The following PVT1 variants were observed in gnomAD, a reference collection of about 807,000 sequenced individuals.
PVT1 encodes Pvt1 oncogene, also known as CXCR4/PVT1 fusion.
intron 4 of PVT1, among the ~76,000 whole-genome samples, chr8:128,060,216 A>G (rs998974868): frequency 2.6e-5 from 4 of 152,238 alleles, no homozygotes; most frequent in African/African-American, 9.6e-5. Context: ...AGATAATGCC[A>G]CTGCACTCCA....
At chr8:127,973,117 G>C (rs796833633) in intron 3 of PVT1, among the ~76,000 whole-genome samples, 27 of 152,188 alleles carry the variant, frequency 1.8e-4, no homozygotes, top group African/African-American at 5.8e-4. Context: ...TGCCCAGGCT[G>C]GTCTTGAACT....
chr8:127,973,321 C>G (rs781736504), intron 3 of PVT1, among the ~76,000 whole-genome samples: 22 of 152,210 alleles, frequency 1.4e-4, no homozygotes, highest in Non-Finnish European at 2.8e-4. Flanking sequence ...TGGAGAGAGC[C>G]ACCAGTTAGT....
At position 127,993,317 on chromosome 8, in the gene PVT1, C is replaced by A. The variant is rs368839241; in HGVS notation, n.912+4026C>A. Among the ~76,000 whole-genome samples, 7 of 152,352 alleles carry A rather than the reference C, an allele frequency of 4.6e-5. No individual in the cohort carries two copies. The South Asian group carries it at 1.4e-3, about 32-fold the overall frequency. On this transcript the variant is annotated intron_variant and non_coding_transcript_variant, in intron 4 of 10. Coordinates refer to ENST00000651587, the Ensembl canonical transcript of PVT1. Reference sequence around the variant, plus strand: ...CGTGATGTCTGCAATGCACTAGGCCCAGTCGGGGAGCAGTGGCTGCGCCAC... The same window carrying A: ...CGTGATGTCTGCAATGCACTAGGCCAAGTCGGGGAGCAGTGGCTGCGCCAC...
intron 3 of PVT1, among the ~76,000 whole-genome samples, chr8:127,920,497 T>C (rs1016236648): frequency 6.6e-6 from 1 of 152,228 alleles, no homozygotes; most frequent in African/African-American, 2.4e-5. Flanking sequence ...ACCCACCTTC[T>C]AAAGTGATTA....
intron 5 of PVT1, among the ~76,000 whole-genome samples, chr8:128,078,999 CTTTTCT>C (rs1410142367): frequency 4.6e-5 from 6 of 131,212 alleles, no homozygotes; most frequent in African/African-American, 1.5e-4. Context: ...TTTTCCTTTT[CTTTTCT>C]TTTTTTTTTT....
At chr8:127,998,836 C>CTTCT (rs1485714608) in intron 4 of PVT1, among the ~76,000 whole-genome samples, 1 of 142,188 alleles carries the variant, frequency 7.0e-6, no homozygotes, top group Non-Finnish European at 1.5e-5. Flanking sequence ...TCCTTCCTTC[C>CTTCT]TTCCTTCCTT....
intron 3 of PVT1, among the ~76,000 whole-genome samples, chr8:127,957,960 G>T (rs1816591268): frequency 6.6e-6 from 1 of 152,232 alleles, no homozygotes; most frequent in South Asian, 2.1e-4. Context: ...TCTTGGCCAT[G>T]GTTTCTAATT....
intron 5 of PVT1, among the ~76,000 whole-genome samples, chr8:128,093,323 C>T (rs1211072852): frequency 2.6e-5 from 4 of 152,046 alleles, no homozygotes. Flanking sequence ...TTTGGGAGGC[C>T]GAGGTGGGCG....
intron 2 of PVT1, among the ~76,000 whole-genome samples, chr8:127,862,734 A>G (rs1815241703): frequency 6.6e-6 from 1 of 152,200 alleles, no homozygotes; most frequent in African/African-American, 2.4e-5. Flanking sequence ...CATGAGGGGA[A>G]CTATCTTGTT....
At chr8:127,870,376 T>A (rs545344975) in intron 2 of PVT1, among the ~76,000 whole-genome samples, 4 of 152,144 alleles carry the variant, frequency 2.6e-5, no homozygotes, top group Non-Finnish European at 5.9e-5. Context: ...GGGAGCACAG[T>A]CCCGCTGACA....
At chr8:128,076,979 G>A (rs753954064) in intron 5 of PVT1, among the ~76,000 whole-genome samples, 4 of 152,186 alleles carry the variant, frequency 2.6e-5, no homozygotes, top group Non-Finnish European at 5.9e-5. Flanking sequence ...GTGGATCCAC[G>A]GCAAAGGGTA....
chr8:127,844,401 TCA>T (rs1815007741), intron 2 of PVT1, among the ~76,000 whole-genome samples: 1 of 152,168 alleles, frequency 6.6e-6, no homozygotes, highest in Non-Finnish European at 1.5e-5. Context: ...TGGGTATGTT[TCA>T]CACAGTTTGT....
At chr8:127,873,545 G>A (rs1028753228) in intron 2 of PVT1, among the ~76,000 whole-genome samples, 10 of 152,120 alleles carry the variant, frequency 6.6e-5, no homozygotes, top group African/African-American at 9.7e-5. Context: ...GGGACCCGGC[G>A]TGCAATTTGC....
chr8:127,946,566 A>G (rs776351680), intron 3 of PVT1: 1 of 152,744 alleles, frequency 6.5e-6, no homozygotes, highest in African/African-American at 2.4e-5. Flanking sequence ...AATACAAAGA[A>G]GAGCTCACAT....
intron 4 of PVT1, among the ~76,000 whole-genome samples, chr8:128,044,548 TC>T (rs1231871222): frequency 6.6e-6 from 1 of 152,146 alleles, no homozygotes; most frequent in Non-Finnish European, 1.5e-5. Flanking sequence ...CTAATCTAAA[TC>T]ATTACTACCT....
At chr8:127,835,486 A>C (rs1814899511) in intron 2 of PVT1, among the ~76,000 whole-genome samples, 1 of 152,016 alleles carries the variant, frequency 6.6e-6, no homozygotes. Context: ...TAGGAGAAAT[A>C]CCCAGTGCAT....
At chr8:127,949,279 C>T (rs1816464758) in intron 3 of PVT1, among the ~76,000 whole-genome samples, 1 of 152,104 alleles carries the variant, frequency 6.6e-6, no homozygotes, top group Non-Finnish European at 1.5e-5. Flanking sequence ...GAAGGGCCCA[C>T]CCAGTAGTGC....
intron 2 of PVT1, among the ~76,000 whole-genome samples, chr8:127,840,711 T>A (rs1238413434): frequency 6.6e-6 from 1 of 152,248 alleles, no homozygotes; most frequent in Non-Finnish European, 1.5e-5. Flanking sequence ...ACAAAAGCTT[T>A]CTTGTCTGGA....
At chr8:127,893,262 T>TTTTTG (rs1434717143) in intron 3 of PVT1, among the ~76,000 whole-genome samples, 4 of 152,152 alleles carry the variant, frequency 2.6e-5, no homozygotes, top group Admixed American at 1.3e-4. Flanking sequence ...GTTTTACTGT[T>TTTTTG]TTTTGTTTTG....
Sources: allele counts gnomAD v4.1 joint callset (sites outside exome capture counted in the v4.1 genomes callset), GRCh38; gene constraint gnomAD v4.1.1; transcripts MANE v1.5; gene names NCBI Gene and HGNC (gene_info 2026-07-23, HGNC 2026-07-21).